IQGAP2: variants seen among roughly 807,000 people sequenced by gnomAD.
The protein encoded by IQGAP2 is ras GTPase-activating-like protein IQGAP2.
Under a neutral mutation model 201.3 loss-of-function variants are expected in IQGAP2, and 173 were observed. The observed-to-expected ratio is 0.86, with a 90% confidence interval of 0.76 to 0.98. The LOEUF is 0.98. Among genes scored for constraint, IQGAP2 ranks in the 50% least tolerant of loss-of-function variants. The pLI, the probability that IQGAP2 is intolerant of heterozygous loss-of-function variation, is 0.00. For missense variants in IQGAP2, 1,687 were observed against 1,864.8 expected, an observed-to-expected ratio of 0.90 and a Z score of 1.76; for synonymous variants, 675 against 673.9, an observed-to-expected ratio of 1.00 and a Z score of -0.03.
At chr5:76,569,434 A>G (rs1001630154) in intron 3 of IQGAP2, among the ~76,000 whole-genome samples, 1 of 32,424 alleles carries the variant, frequency 3.1e-5, no homozygotes, top group African/African-American at 2.0e-4. Context: ...GAACACTGCA[A>G]AAAAAAAAAT....
chr5:76,551,455 C>T lies in IQGAP2; in HGVS notation c.147-10941C>T, dbSNP rs538048104. Among the ~76,000 whole-genome samples, 138 of 152,058 alleles carry T rather than the reference C, an allele frequency of 9.1e-4. 2 individuals carry two copies. The highest frequency in any genetic ancestry group is 3.2e-3 in the African/African-American group (131 of 41,446). ...ACTCCTCACTTCCCAGACAGGGTGG[C>T]GGCCGGGCAGAGGCTGCAATCTCGG... On this transcript the variant is annotated intron_variant, in intron 2 of 35. Transcript: ENST00000274364.
chr5:76,451,720 T>C (rs760985682), intron 1 of IQGAP2, among the ~76,000 whole-genome samples: 1 of 152,230 alleles, frequency 6.6e-6, no homozygotes, highest in Non-Finnish European at 1.5e-5. Flanking sequence ...ATTATTATTT[T>C]TTTTTCTGCA....
At chr5:76,567,902 T>C (rs1744864063) in intron 3 of IQGAP2, among the ~76,000 whole-genome samples, 1 of 151,732 alleles carries the variant, frequency 6.6e-6, no homozygotes, top group African/African-American at 2.4e-5. Flanking sequence ...AGCATATACT[T>C]CCTGGTCTAA....
chr5:76,415,517 C>A (rs1751359304), intron 1 of IQGAP2, among the ~76,000 whole-genome samples: 1 of 152,158 alleles, frequency 6.6e-6, no homozygotes. Context: ...AAAGATAGAT[C>A]AGTTATTATT....
At chr5:76,487,186 C>T (rs1053043311) in intron 2 of IQGAP2, among the ~76,000 whole-genome samples, 3 of 151,762 alleles carry the variant, frequency 2.0e-5, no homozygotes, top group African/African-American at 7.3e-5. Flanking sequence ...GCAACCTCCG[C>T]CTCCCAGGTT....
chr5:76,662,569 TGATA>T (rs1274222420), intron 21 of IQGAP2, among the ~76,000 whole-genome samples: 1 of 152,180 alleles, frequency 6.6e-6, no homozygotes, highest in Non-Finnish European at 1.5e-5. Flanking sequence ...AAAATCAAGG[TGATA>T]GATTTATTCT....
At chr5:76,611,266 C>T (rs773536667) in intron 13 of IQGAP2, 83 bp downstream of exon 13, 9 of 984,934 alleles carry the variant, frequency 9.1e-6, no homozygotes, top group East Asian at 2.5e-5. Context: ...GACCCATTTA[C>T]GTTAAATCTC....
chr5:76,558,745 C>A (rs1744118947), intron 2 of IQGAP2, among the ~76,000 whole-genome samples: 1 of 152,222 alleles, frequency 6.6e-6, no homozygotes, highest in Non-Finnish European at 1.5e-5. Flanking sequence ...ATTCTTATCA[C>A]CAACACCCCT....
intron 2 of IQGAP2, among the ~76,000 whole-genome samples, chr5:76,484,592 G>A (rs185365579): frequency 2.6e-5 from 4 of 152,160 alleles, no homozygotes; most frequent in African/African-American, 7.2e-5. Context: ...CTTTAGAAAC[G>A]GGGTCTTTAT....
At chr5:76,466,147 G>C (rs1272730846) in intron 2 of IQGAP2, among the ~76,000 whole-genome samples, 2 of 151,886 alleles carry the variant, frequency 1.3e-5, no homozygotes, top group Admixed American at 1.3e-4. Flanking sequence ...ACCAGCCTAG[G>C]TAATGTAGCG....
chr5:76,491,684 C>T (rs1485222004), intron 2 of IQGAP2, among the ~76,000 whole-genome samples: 2 of 152,146 alleles, frequency 1.3e-5, no homozygotes, highest in African/African-American at 2.4e-5. Flanking sequence ...CTCTGATAGC[C>T]GTCAGCAAAT....
intron 2 of IQGAP2, among the ~76,000 whole-genome samples, chr5:76,528,312 TTG>T (rs991218271): frequency 6.6e-6 from 1 of 151,938 alleles, no homozygotes; most frequent in Non-Finnish European, 1.5e-5. Flanking sequence ...CACATATTAC[TTG>T]TTTTTCCAGC....
intron 21 of IQGAP2, among the ~76,000 whole-genome samples, chr5:76,662,349 C>T (rs1160904709): frequency 6.6e-6 from 1 of 152,190 alleles, no homozygotes; most frequent in Non-Finnish European, 1.5e-5. Flanking sequence ...CACCAACTCT[C>T]TCTGTTTCTA....
intron 33 of IQGAP2, 120 bp downstream of exon 33, chr5:76,698,267 G>A (rs41271840): frequency 0.016 from 9,646 of 618,618 alleles, 104 homozygotes; most frequent in Non-Finnish European, 0.022. Context: ...TCTTCTAACC[G>A]AAAACTAGAG....
chr5:76,482,517 AG>A (rs1755849931), intron 2 of IQGAP2, among the ~76,000 whole-genome samples: 1 of 152,212 alleles, frequency 6.6e-6, no homozygotes, highest in Admixed American at 6.5e-5. Context: ...GAGGGAGAAG[AG>A]GATAGTACAT....
At position 76,654,939 on chromosome 5, in the gene IQGAP2, T is replaced by C. The variant is rs765795764; in HGVS notation, c.2256T>C (p.Asn752=). The C allele has an allele frequency of 1.2e-6, 2 of 1,609,254 alleles. No homozygotes were observed. Among genetic ancestry groups the C allele is most frequent in the Non-Finnish European group, 1.7e-6 (2 of 1,175,944 alleles). The change falls in exon 20 of 36, where the codon AAT becomes AAC. Residue 752 remains asparagine, a synonymous_variant. Transcript: ENST00000274364. The part of the protein sequence containing the change: ...SRLQYFRDHN[N]EIVKIQSLLR... Reference sequence around the variant, plus strand: ...CTTGTCTTAATCTTTTGCAGAATAATGAAATTGTGAAAATACAGTCACTGT... The same window carrying C: ...CTTGTCTTAATCTTTTGCAGAATAACGAAATTGTGAAAATACAGTCACTGT...
chr5:76,471,376 A>AAAAC (rs1554059005), intron 2 of IQGAP2, among the ~76,000 whole-genome samples: 1 of 144,796 alleles, frequency 6.9e-6, no homozygotes. Flanking sequence ...AAAAAAAAAA[A>AAAAC]AAAAAAAAAA....
chr5:76,403,565 C>A lies in IQGAP2; in HGVS notation c.20C>A (p.Pro7Gln), dbSNP rs747881615. Reference protein sequence around the residue: MPHEELPSLQRPRYGSI... With the variant: MPHEELQSLQRPRYGSI... ...CGCAGGATGCCACACGAAGAGCTGC[C>A]GTCGCTGCAGAGACCCCGCTATGGC... The change falls in exon 1 of 36, where the codon CCG (proline) becomes CAG (glutamine). Residue 7 changes from proline to glutamine, a missense_variant. Coordinates refer to ENST00000274364, the MANE Select transcript of IQGAP2 (RefSeq NM_006633.5). This position sits in a 1 kb window ranked among gnomAD's most constrained non-coding sequence, Gnocchi z 4.8. The A allele has an allele frequency of 5.5e-5, 85 of 1,538,630 alleles. No individual in the cohort carries two copies. Among genetic ancestry groups the A allele is most frequent in the South Asian group, 2.9e-4 (24 of 82,838 alleles).
chr5:76,494,630 C>A (rs1479001516), intron 2 of IQGAP2, among the ~76,000 whole-genome samples: 1 of 152,162 alleles, frequency 6.6e-6, no homozygotes, highest in Non-Finnish European at 1.5e-5. Flanking sequence ...CCTAAAAGGA[C>A]CACACCGCAG....
Sources: gnomAD v4.1 joint callset for allele counts (sites outside exome capture counted in the v4.1 genomes callset) on GRCh38, gnomAD v4.1.1 for gene constraint, Gnocchi (gnomAD v3.1) non-coding constraint, MANE v1.5 for transcripts, NCBI Gene and HGNC (gene_info 2026-07-23, HGNC 2026-07-21) for gene names.